The following CPLX4 variants were observed in gnomAD, a reference collection of about 807,000 sequenced individuals.
The protein encoded by CPLX4 is complexin 4.
Under a neutral mutation model 16.1 loss-of-function variants are expected in CPLX4, and 17 were observed. The ratio of observed to expected loss-of-function variants is 1.06; its 90% confidence interval spans 0.72 to 1.59. CPLX4 has a LOEUF of 1.59. Among genes scored for constraint, CPLX4 ranks in the 40% most tolerant of loss-of-function variants. The pLI is 0.00. For synonymous variants in CPLX4, 55 were observed against 57.8 expected (o/e 0.95, Z 0.22); for missense variants, 193 against 192.9 (o/e 1.00, Z 0.00).
chr18:59,295,535 T>C lies in CPLX4; in HGVS notation c.*1163A>G, dbSNP rs2070492880. ...CGGTCTCAGTTTCCTTTTCCTTTGA[T>C]AGATCTTTATTCACTGTATGAACAG... On this transcript the variant is annotated 3_prime_UTR_variant, in exon 3 of 3. Transcript: ENST00000299721. 6.7e-6 allele frequency: 1 copy of C among 149,344 alleles called. No individual in the cohort carries two copies. Among genetic ancestry groups the C allele is most frequent in the South Asian group, 2.1e-4 (1 of 4,704 alleles). 9.3% of individuals were successfully genotyped at this position (149,344 alleles called of 1,614,324 possible). A position where few individuals can be genotyped will look rare whatever the true frequency, so the allele number is the denominator to read the frequency against.
intron 2 of CPLX4, among the ~76,000 whole-genome samples, chr18:59,309,461 C>T (rs913251039): frequency 2.0e-5 from 3 of 152,138 alleles, no homozygotes; most frequent in Admixed American, 2.0e-4. Context: ...AAATAATATG[C>T]TCCCATTTTT....
chr18:59,311,068 G>A (rs977316679), intron 2 of CPLX4, among the ~76,000 whole-genome samples: 11 of 151,878 alleles, frequency 7.2e-5, no homozygotes, highest in Non-Finnish European at 1.2e-4. Context: ...GGGCTTCAGC[G>A]CAGTAGCATG....
At position 59,318,591 on chromosome 18, in the gene CPLX4, A is replaced by C; in HGVS notation, c.-129T>G. ...TACATTTAAGAGCAAAGGACTTTGC[A>C]CAACCTCATCTATTCAAGGGCATAC... On this transcript the variant is annotated 5_prime_UTR_variant, in exon 1 of 3. Transcript: ENST00000299721. 2 of 1,430,554 alleles carry C rather than the reference A, an allele frequency of 1.4e-6. No individual in the cohort carries two copies. Among genetic ancestry groups the C allele is most frequent in the Middle Eastern group, 2.5e-4 (1 of 3,950 alleles). The allele number at this position is 1,430,554 out of a possible 1,614,324, so 88.6% of individuals were successfully genotyped here.
chr18:59,300,083 G>C (rs1390322245), intron 2 of CPLX4, among the ~76,000 whole-genome samples: 1 of 152,226 alleles, frequency 6.6e-6, no homozygotes, highest in East Asian at 1.9e-4. Context: ...AGTAACCCCA[G>C]CTCTTTGGGA....
Position 59,296,678 on chromosome 18 carries a change from C to G in CPLX4, c.*20G>C. 8 of 1,533,558 alleles carry G rather than the reference C, an allele frequency of 5.2e-6. No individual in the cohort carries two copies. The highest frequency in any genetic ancestry group is 5.4e-6 in the Non-Finnish European group (6 of 1,115,414). 95.0% of individuals were successfully genotyped at this position (1,533,558 alleles called of 1,614,324 possible). A position where few individuals can be genotyped will look rare whatever the true frequency, so the allele number is the denominator to read the frequency against. On this transcript the variant is annotated 3_prime_UTR_variant, in exon 3 of 3. Coordinates refer to ENST00000299721, the MANE Select transcript of CPLX4 (RefSeq NM_181654.4). ...CTTTTCCAAGGATGGCTGGTTCCCT[C>G]CCTCCACCCCTCCCACCCCTCACAT...
chr18:59,304,608 T>C (rs567106852), intron 2 of CPLX4, among the ~76,000 whole-genome samples: 1 of 152,320 alleles, frequency 6.6e-6, no homozygotes, highest in Non-Finnish European at 1.5e-5. Flanking sequence ...AGTCTCACTC[T>C]GCTGCCAGGC....
chr18:59,299,519 C>G (rs1044637793), intron 2 of CPLX4, among the ~76,000 whole-genome samples: 2 of 152,160 alleles, frequency 1.3e-5, no homozygotes, highest in Non-Finnish European at 2.9e-5. Context: ...CGAACACACT[C>G]ATGAGGGCTC....
rs934947851 is a variant in CPLX4, at chr18:59,295,806, A to G, written c.*892T>C. On this transcript the variant is annotated 3_prime_UTR_variant, in exon 3 of 3. Coordinates refer to ENST00000299721, the MANE Select transcript of CPLX4 (RefSeq NM_181654.4). ...GGAAGGGACAGGAGAAGAAAAAAAA[A>G]AGAGAGATAGGGAGAGAAGGGGATG... 1 of 152,048 alleles carries G rather than the reference A, an allele frequency of 6.6e-6. No individual in the cohort carries two copies. The highest frequency in any genetic ancestry group is 1.5e-5 in the Non-Finnish European group (1 of 68,006). 9.4% of individuals were successfully genotyped at this position (152,048 alleles called of 1,614,324 possible). A position where few individuals can be genotyped will look rare whatever the true frequency, so the allele number is the denominator to read the frequency against.
chr18:59,309,650 C>T (rs1319206472), intron 2 of CPLX4, among the ~76,000 whole-genome samples: 9 of 151,626 alleles, frequency 5.9e-5, no homozygotes, highest in African/African-American at 2.2e-4. Context: ...GGTGAAACCC[C>T]GTGTCTACTA....
At position 59,310,252 on chromosome 18, in the gene CPLX4, A is replaced by G. The variant is rs375168027; in HGVS notation, c.255+2433T>C. Reference sequence around the variant, plus strand: ...CTCCCCCTAGCTGGCTTTAGAGAGCAGTAGCCTATGCAGGTATAGCCACAA... The same window carrying G: ...CTCCCCCTAGCTGGCTTTAGAGAGCGGTAGCCTATGCAGGTATAGCCACAA... On this transcript the variant is annotated intron_variant, in intron 2 of 2. Coordinates refer to ENST00000299721, the MANE Select transcript of CPLX4 (RefSeq NM_181654.4). 3.4e-4 allele frequency among the ~76,000 whole-genome samples: 52 copies of G among 152,322 alleles called. No homozygotes were observed. In the East Asian group the frequency reaches 5.8e-3, roughly 17 times the overall value.
chr18:59,313,486 C>T (rs2070631751), intron 1 of CPLX4, among the ~76,000 whole-genome samples: 1 of 152,186 alleles, frequency 6.6e-6, no homozygotes, highest in South Asian at 2.1e-4. Flanking sequence ...AATGATGATT[C>T]AGACAAAAGC....
At chr18:59,309,627 T>C (rs2070601697) in intron 2 of CPLX4, among the ~76,000 whole-genome samples, 1 of 151,876 alleles carries the variant, frequency 6.6e-6, no homozygotes, top group African/African-American at 2.4e-5. Context: ...ATCGAGACCA[T>C]CCTGGTTAAC....
intron 2 of CPLX4, among the ~76,000 whole-genome samples, 173 bp from the exon 3 acceptor site, chr18:59,297,098 G>T (rs1367627270): frequency 6.6e-6 from 1 of 152,014 alleles, no homozygotes; most frequent in African/African-American, 2.4e-5. Context: ...TTCTGTAGGG[G>T]GGTCCTTTCT....
In CPLX4 at chr18:59,318,115, G is replaced by A. The variant is rs1190711133; in HGVS notation, c.167+181C>T. Among the ~76,000 whole-genome samples the A allele has an allele frequency of 3.3e-5, 5 of 152,060 alleles. No individual in the cohort carries two copies. In the South Asian group the frequency reaches 1.0e-3, roughly 32 times the overall value. On this transcript the variant is annotated intron_variant, in intron 1 of 2. Transcript: ENST00000299721. ...TCATACATGTAGAACATAGAACATA[G>A]TAGCTGCTGATGTTAGGGAACCGTT...
At chr18:59,303,645 C>A (rs922478542) in intron 2 of CPLX4, among the ~76,000 whole-genome samples, 1 of 152,064 alleles carries the variant, frequency 6.6e-6, no homozygotes, top group African/African-American at 2.4e-5. Context: ...TCTGAGCAGG[C>A]GTTCTCATCT....
rs73960766 is a variant in CPLX4, at chr18:59,314,880, G to A, written c.168-2108C>T. 7.6e-3 allele frequency among the ~76,000 whole-genome samples: 1,163 copies of A among 152,220 alleles called. 15 individuals are homozygous for A. Among genetic ancestry groups the A allele is most frequent in the African/African-American group, 0.026 (1,090 of 41,522 alleles). ...GAGTAGTAAGTATTCTATTGTTTGC[G>A]CAAATACAATCACCATTTGTCTAGT... On this transcript the variant is annotated intron_variant, in intron 1 of 2. Transcript: ENST00000299721.
chr18:59,313,843 C>T (rs1286207534), intron 1 of CPLX4, among the ~76,000 whole-genome samples: 1 of 151,848 alleles, frequency 6.6e-6, no homozygotes, highest in Non-Finnish European at 1.5e-5. Flanking sequence ...TCTCAACAGC[C>T]TTCTGCTTTC....
intron 2 of CPLX4, among the ~76,000 whole-genome samples, chr18:59,307,879 G>A (rs1278806707): frequency 6.6e-6 from 1 of 151,106 alleles, no homozygotes; most frequent in Non-Finnish European, 1.5e-5. Flanking sequence ...AGCCTCCTGG[G>A]TAGCTGGGAT....
At chr18:59,315,473 G>T (rs1156917767) in intron 1 of CPLX4, among the ~76,000 whole-genome samples, 4 of 151,940 alleles carry the variant, frequency 2.6e-5, no homozygotes, top group Non-Finnish European at 5.9e-5. Flanking sequence ...TCTCAGTCTG[G>T]CTTGCCCATT....
Sources: gnomAD v4.1 joint callset for allele counts (sites outside exome capture counted in the v4.1 genomes callset) on GRCh38, gnomAD v4.1.1 for gene constraint, MANE v1.5 for transcripts, NCBI Gene and HGNC (gene_info 2026-07-23, HGNC 2026-07-21) for gene names.